The following BCAR3 variants were observed in gnomAD, a reference collection of about 807,000 sequenced individuals.
BCAR3 encodes the protein breast cancer anti-estrogen resistance protein 3.
In BCAR3, 37 loss-of-function variants were observed where a neutral mutation model predicts 80.1. The observed-to-expected ratio is 0.46, with a 90% CI of 0.36 to 0.61. The LOEUF is 0.61. Among genes scored for constraint, BCAR3 ranks in the 20% least tolerant of loss-of-function variants. The pLI, the probability that BCAR3 is intolerant of heterozygous loss-of-function variation, is 0.00. For missense variants in BCAR3, 978 were observed against 1,068.2 expected (o/e 0.92, Z 1.18); for synonymous variants, 389 against 418.9 (o/e 0.93, Z 0.87).
intron 2 of BCAR3, among the ~76,000 whole-genome samples, chr1:93,653,226 C>T (rs1264948557): frequency 6.6e-6 from 1 of 152,166 alleles, no homozygotes; most frequent in African/African-American, 2.4e-5. Context: ...TATTGCCAAA[C>T]AAATGTTTTT....
chr1:93,617,234 G>A (rs1472444194), intron 3 of BCAR3, among the ~76,000 whole-genome samples: 2 of 152,210 alleles, frequency 1.3e-5, no homozygotes, highest in East Asian at 3.8e-4. Context: ...AAGCACCACG[G>A]TCCCTGCTAG....
intron 2 of BCAR3, among the ~76,000 whole-genome samples, chr1:93,743,499 A>G (rs1359758611): frequency 6.6e-6 from 1 of 152,188 alleles, no homozygotes; most frequent in Non-Finnish European, 1.5e-5. Flanking sequence ...CTGCATTGGG[A>G]GGTTCATAAA....
intron 11 of BCAR3, 88 bp downstream of exon 11, chr1:93,567,185 GTCTTTT>G (rs1672986374): frequency 7.0e-7 from 1 of 1,430,910 alleles, no homozygotes; most frequent in Non-Finnish European, 9.6e-7. Flanking sequence ...TTCCTTTTTG[GTCTTTT>G]TCTAAGTGAA....
At chr1:93,649,065 G>T (rs1020349215) in intron 2 of BCAR3, among the ~76,000 whole-genome samples, 1 of 152,188 alleles carries the variant, frequency 6.6e-6, no homozygotes, top group Admixed American at 6.5e-5. Context: ...GCATAAGAAA[G>T]CTCTAGTAAC....
At chr1:93,733,629 A>G (rs1650875312) in intron 2 of BCAR3, among the ~76,000 whole-genome samples, 2 of 152,186 alleles carry the variant, frequency 1.3e-5, no homozygotes, top group African/African-American at 4.8e-5. Flanking sequence ...CCTTTTCTCT[A>G]CCCAGAGACT....
At chr1:93,697,376 G>A (rs1412614201) in intron 3 of BCAR3, among the ~76,000 whole-genome samples, 1 of 152,218 alleles carries the variant, frequency 6.6e-6, no homozygotes, top group African/African-American at 2.4e-5. Context: ...CAGGCATCCT[G>A]AGATGCCAGA....
At position 93,592,292 on chromosome 1, in the gene BCAR3, G is replaced by C. The variant is rs753305063; in HGVS notation, c.459C>G (p.Ala153=). The part of the protein sequence containing the change: ...LLSSEDLRSH[A]WYHGRIPRQV... ...GTCGGGGGATGCGGCCGTGGTACCAGGCATGGCTGCGCAGGTCCTCGCTGC... is the reference window on the plus strand; with the variant it reads ...GTCGGGGGATGCGGCCGTGGTACCACGCATGGCTGCGCAGGTCCTCGCTGC... The change falls in exon 4 of 12, where the codon GCC becomes GCG. Residue 153 remains alanine (A), a synonymous_variant. Coordinates refer to ENST00000260502, the MANE Select transcript of BCAR3 (RefSeq NM_003567.4). The surrounding 1 kb of genome is among the most constrained non-coding windows in gnomAD (Gnocchi z 4.8). 8 of 1,613,052 alleles carry C rather than the reference G, an allele frequency of 5.0e-6. No individual in the cohort carries two copies. In the Admixed American group the frequency reaches 1.3e-4, roughly 27 times the overall value.
intron 2 of BCAR3, among the ~76,000 whole-genome samples, chr1:93,715,712 C>T (rs1290672033): frequency 6.6e-6 from 1 of 152,200 alleles, no homozygotes; most frequent in Non-Finnish European, 1.5e-5. Context: ...AGGCAATTAA[C>T]CTGACAGCAC....
At chr1:93,750,382 C>G (rs1651516936) in intron 2 of BCAR3, among the ~76,000 whole-genome samples, 1 of 152,234 alleles carries the variant, frequency 6.6e-6, no homozygotes, top group African/African-American at 2.4e-5. Context: ...GCTCACCACT[C>G]AAAGGCACTG....
chr1:93,767,293 C>G (rs1223700394), intron 2 of BCAR3, among the ~76,000 whole-genome samples: 2 of 152,112 alleles, frequency 1.3e-5, no homozygotes, highest in East Asian at 1.9e-4. Context: ...GAGGCCGAGG[C>G]AGGCGAATCA....
intron 2 of BCAR3, among the ~76,000 whole-genome samples, chr1:93,784,018 G>C (rs1166070133): frequency 6.6e-6 from 1 of 152,156 alleles, no homozygotes; most frequent in African/African-American, 2.4e-5. Context: ...AGGCCTAATG[G>C]AGAGGCCAAT....
chr1:93,605,578 T>C (rs182288074), intron 3 of BCAR3: 1 of 152,354 alleles, frequency 6.6e-6, no homozygotes, highest in Non-Finnish European at 1.5e-5. Context: ...AACCGGCTGA[T>C]CAGAGTTCAA....
At chr1:93,577,110 T>C (rs1467610782) in intron 7 of BCAR3, among the ~76,000 whole-genome samples, 21 of 152,214 alleles carry the variant, frequency 1.4e-4, no homozygotes, top group African/African-American at 4.3e-4. Flanking sequence ...GCTATGATCA[T>C]GTCACTGTAC....
In BCAR3 at chr1:93,674,605, A is replaced by G. The variant is rs1386649884; in HGVS notation, c.317+9T>C. 2 of 1,610,056 alleles carry G rather than the reference A, an allele frequency of 1.2e-6. No homozygotes were observed. Among genetic ancestry groups the G allele is most frequent in the Admixed American group, 3.4e-5 (2 of 58,552 alleles). On this transcript the variant is annotated intron_variant, in intron 2 of 11. Coordinates refer to ENST00000260502, the MANE Select transcript of BCAR3 (RefSeq NM_003567.4). ...AAATCATCTTCACTAGTGAAATTACAGAAGTTACCTGAAGGTGAAGGTTTC... is the reference window on the plus strand; with the variant it reads ...AAATCATCTTCACTAGTGAAATTACGGAAGTTACCTGAAGGTGAAGGTTTC...
chr1:93,786,404 G>T (rs1652948155), intron 2 of BCAR3, among the ~76,000 whole-genome samples: 1 of 152,126 alleles, frequency 6.6e-6, no homozygotes, highest in Non-Finnish European at 1.5e-5. Flanking sequence ...AGCTATGTGA[G>T]TAAACTATCT....
chr1:93,581,610 A>G (rs1673714256), intron 7 of BCAR3, among the ~76,000 whole-genome samples: 1 of 152,046 alleles, frequency 6.6e-6, no homozygotes, highest in African/African-American at 2.4e-5. Context: ...GGGTTTCTCC[A>G]TGCCTCAGGC....
At chr1:93,803,533 C>T (rs1653563641) in intron 2 of BCAR3, among the ~76,000 whole-genome samples, 1 of 152,286 alleles carries the variant, frequency 6.6e-6, no homozygotes, top group South Asian at 2.1e-4. Context: ...TTCCATGCCA[C>T]TCACCCTGTA....
chr1:93,805,793 T>C (rs577543137), intron 2 of BCAR3, among the ~76,000 whole-genome samples: 2 of 151,976 alleles, frequency 1.3e-5, no homozygotes, highest in East Asian at 1.9e-4. Flanking sequence ...TTAGAGGAAA[T>C]AGAGATAATT....
intron 2 of BCAR3, among the ~76,000 whole-genome samples, chr1:93,819,450 C>T (rs1388018718): frequency 6.6e-6 from 1 of 152,212 alleles, no homozygotes; most frequent in Non-Finnish European, 1.5e-5. Flanking sequence ...GTTACCAAGC[C>T]CACTTGCTTT....
Sources: gnomAD v4.1 joint callset for allele counts (sites outside exome capture counted in the v4.1 genomes callset) on GRCh38, gnomAD v4.1.1 for gene constraint, Gnocchi (gnomAD v3.1) non-coding constraint, MANE v1.5 for transcripts, NCBI Gene and HGNC (gene_info 2026-07-23, HGNC 2026-07-21) for gene names.